Variants in DENND5B observed in about 807,000 individuals in gnomAD.
DENND5B encodes DENN domain containing 5B.
In DENND5B, 34 loss-of-function variants were observed where a neutral mutation model predicts 140.6. The observed-to-expected ratio is 0.24, with a 90% confidence interval of 0.18 to 0.32. The LOEUF (loss-of-function observed/expected upper bound fraction) is 0.32. Among genes scored for constraint, DENND5B ranks in the 10% least tolerant of loss-of-function variants. The pLI, the probability that DENND5B is intolerant of heterozygous loss-of-function variation, is 1.00. For missense variants in DENND5B, 1,142 were observed against 1,560.2 expected, an observed-to-expected ratio of 0.73 and a Z score of 4.52; for synonymous variants, 551 against 562.1, an observed-to-expected ratio of 0.98 and a Z score of 0.28.
chr12:31,469,252 T>C (rs1225920036), intron 3 of DENND5B, among the ~76,000 whole-genome samples: 1 of 149,574 alleles, frequency 6.7e-6, no homozygotes, highest in Non-Finnish European at 1.5e-5. Flanking sequence ...GAGAATCACC[T>C]GAACCTGGAG....
intron 1 of DENND5B, among the ~76,000 whole-genome samples, chr12:31,499,313 T>G (rs1946912023): frequency 6.6e-6 from 1 of 152,238 alleles, no homozygotes; most frequent in Non-Finnish European, 1.5e-5. Flanking sequence ...TAACTCCAAG[T>G]AACACTGCCA....
At position 31,548,898 on chromosome 12, in the gene DENND5B, G is replaced by GT. The variant is rs565877134; in HGVS notation, c.127+41807dup. 4.4e-4 allele frequency among the ~76,000 whole-genome samples: 67 copies of GT among 151,870 alleles called. 1 individual carries two copies. Among genetic ancestry groups the GT allele is most frequent in the Non-Finnish European group, 7.5e-4 (51 of 67,920 alleles). ...AACAGAGTACTACTGAAAGCCAAGG[G>GT]TTTTTTTTCCTTTAGAGACTGGGTC... On this transcript the variant is annotated intron_variant, in intron 1 of 20. Transcript: ENST00000389082.
At chr12:31,444,996 T>G (rs1216426289) in intron 6 of DENND5B, among the ~76,000 whole-genome samples, 1 of 152,136 alleles carries the variant, frequency 6.6e-6, no homozygotes, top group East Asian at 1.9e-4. Context: ...TTTGATCTAT[T>G]TAAGTAAAGT....
chr12:31,477,804 C>T (rs1237369008), intron 3 of DENND5B: 2 of 207,414 alleles, frequency 9.6e-6, no homozygotes, highest in Non-Finnish European at 2.2e-5. Flanking sequence ...ATCAAGTTCA[C>T]AAGCATATTG....
chr12:31,393,508 G>T (rs1200983542), intron 17 of DENND5B, among the ~76,000 whole-genome samples: 1 of 152,124 alleles, frequency 6.6e-6, no homozygotes, highest in African/African-American at 2.4e-5. Flanking sequence ...CAAACCCAAG[G>T]AATGGTTTGT....
chr12:31,560,059 C>T (rs944319534), intron 1 of DENND5B, among the ~76,000 whole-genome samples: 1 of 152,142 alleles, frequency 6.6e-6, no homozygotes, highest in Non-Finnish European at 1.5e-5. Context: ...CATTCTCTCC[C>T]TTGGTGATCT....
intron 1 of DENND5B, chr12:31,506,316 A>G (rs1457395449): frequency 2.0e-5 from 3 of 152,214 alleles, no homozygotes; most frequent in East Asian, 3.8e-4. Flanking sequence ...AGGCCAGTCA[A>G]GTGAAGCAGT....
rs758937888 is a variant in DENND5B, at chr12:31,495,939, G to GTTAATT, written c.128-21_128-20insAATTAA. ...TTTCGCCTACAACAAATAATACATA[G>GTTAATT]TTAATATCTAGAACTTTTCCAAAAG... On this transcript the variant is annotated intron_variant, in intron 1 of 20. Coordinates refer to ENST00000389082, the MANE Select transcript of DENND5B (RefSeq NM_144973.4). The GTTAATT allele has an allele frequency of 4.1e-5, 63 of 1,528,566 alleles. 1 individual carries two copies. The highest frequency in any genetic ancestry group is 7.2e-6 in the Non-Finnish European group (8 of 1,118,598). The allele number at this position is 1,528,566 out of a possible 1,614,324, so 94.7% of individuals were successfully genotyped here. A position where few individuals can be genotyped will look rare whatever the true frequency, so the allele number is the denominator to read the frequency against.
At chr12:31,494,221 T>C (rs200694519) in intron 2 of DENND5B, among the ~76,000 whole-genome samples, 3,018 of 105,444 alleles carry the variant, frequency 0.029, 67 homozygotes, top group Non-Finnish European at 0.032. Context: ...CCTACCTACC[T>C]CTACCTACCT....
intron 1 of DENND5B, among the ~76,000 whole-genome samples, chr12:31,519,142 G>T (rs1361660177): frequency 3.3e-5 from 5 of 152,220 alleles, no homozygotes; most frequent in African/African-American, 1.2e-4. Context: ...GACAAACGAT[G>T]CACCAAATTT....
intron 1 of DENND5B, among the ~76,000 whole-genome samples, chr12:31,549,153 A>G (rs981610432): frequency 3.9e-5 from 6 of 151,900 alleles, no homozygotes; most frequent in Admixed American, 2.0e-4. Flanking sequence ...TTCCGAGTGG[A>G]CCTCCCGAAG....
chr12:31,463,764 C>T (rs1001611409), intron 3 of DENND5B, among the ~76,000 whole-genome samples: 2 of 152,134 alleles, frequency 1.3e-5, no homozygotes, highest in Admixed American at 6.6e-5. Flanking sequence ...TGGGTTCAAG[C>T]GATTCTCCTG....
At chr12:31,565,855 A>G (rs1278495461) in intron 1 of DENND5B, among the ~76,000 whole-genome samples, 1 of 152,166 alleles carries the variant, frequency 6.6e-6, no homozygotes, top group African/African-American at 2.4e-5. Context: ...AAACTAAAAA[A>G]TAGTGGCCTG....
At chr12:31,525,654 T>C (rs1463462276) in intron 1 of DENND5B, among the ~76,000 whole-genome samples, 2 of 152,162 alleles carry the variant, frequency 1.3e-5, no homozygotes, top group Non-Finnish European at 2.9e-5. Flanking sequence ...AAATGGTGCA[T>C]TTGATATGTA....
At chr12:31,536,592 G>T (rs1264414518) in intron 1 of DENND5B, among the ~76,000 whole-genome samples, 2 of 151,722 alleles carry the variant, frequency 1.3e-5, no homozygotes, top group Non-Finnish European at 2.9e-5. Context: ...GCCTCAAAAG[G>T]GCAAACCTAA....
At chr12:31,430,497 C>CAAAAAAAAAAAA (rs71062432) in intron 8 of DENND5B, among the ~76,000 whole-genome samples, 2 of 56,068 alleles carry the variant, frequency 3.6e-5, no homozygotes, top group Non-Finnish European at 6.2e-5. Context: ...ACTAAAAATA[C>CAAAAAAAAAAAA]AAAAAAAAAA....
Position 31,446,895 on chromosome 12 carries a change from AAAAAAG to A in DENND5B, c.1861+637_1861+642del, listed in dbSNP as rs546368170. Reference sequence around the variant, plus strand: ...GAGTGAGACTCCGCCTCAAAAAAAAAAAAAAGAAAAAGAAAAAGAAAAAGAAACATA... The same window carrying A: ...GAGTGAGACTCCGCCTCAAAAAAAAAAAAAAGAAAAAGAAAAAGAAACATA... On this transcript the variant is annotated intron_variant, in intron 6 of 20. Coordinates refer to ENST00000389082, the MANE Select transcript of DENND5B (RefSeq NM_144973.4). Among the ~76,000 whole-genome samples, 243 of 151,726 alleles carry A rather than the reference AAAAAAG, an allele frequency of 1.6e-3. 1 individual carries two copies. The highest frequency in any genetic ancestry group is 4.9e-3 in the African/African-American group (202 of 41,330).
chr12:31,405,854 T>C (rs536851521), intron 14 of DENND5B, among the ~76,000 whole-genome samples: 89 of 150,028 alleles, frequency 5.9e-4, no homozygotes, highest in Middle Eastern at 7.0e-3. Context: ...CCACTATTTA[T>C]TTATTTTTTG....
chr12:31,562,046 TTA>T (rs1253045962), intron 1 of DENND5B, among the ~76,000 whole-genome samples: 14 of 152,208 alleles, frequency 9.2e-5, no homozygotes, highest in Admixed American at 9.2e-4. Context: ...ACTCTGTACA[TTA>T]TCTCATTCAT....
Sources: gnomAD v4.1 joint callset for allele counts (sites outside exome capture counted in the v4.1 genomes callset) on GRCh38, gnomAD v4.1.1 for gene constraint, MANE v1.5 for transcripts, NCBI Gene and HGNC (gene_info 2026-07-23, HGNC 2026-07-21) for gene names.